Variants in TIMP3 observed in about 807,000 individuals in gnomAD.
TIMP3 encodes the protein metalloproteinase inhibitor 3.
A neutral mutation model predicts 30.0 loss-of-function variants in TIMP3; 11 were observed. The ratio of observed to expected loss-of-function variants is 0.37; its 90% confidence interval spans 0.23 to 0.61. TIMP3 has a LOEUF of 0.61. TIMP3 is among the 20% of genes least tolerant of loss of function. The probability of loss-of-function intolerance (pLI) is 0.70; values close to 1 mark genes in which losing one functional copy is unlikely to be tolerated. For missense variants in TIMP3, 181 were observed against 276.8 expected (o/e 0.65, Z 2.45); for synonymous variants, 112 against 111.3 (o/e 1.01, Z -0.04).
chr22:32,803,130 G>T (rs2046635025), intron 1 of TIMP3, among the ~76,000 whole-genome samples: 1 of 152,158 alleles, frequency 6.6e-6, no homozygotes, highest in African/African-American at 2.4e-5. Flanking sequence ...AAGCGTGCAA[G>T]TCCAGTGGCT....
At chr22:32,803,052 C>A (rs2046633029) in intron 1 of TIMP3, among the ~76,000 whole-genome samples, 1 of 152,022 alleles carries the variant, frequency 6.6e-6, no homozygotes, top group Admixed American at 6.6e-5. Context: ...GTTTGGGACA[C>A]TTGTGTTTGG....
At chr22:32,846,764 G>C (rs1164230815) in intron 1 of TIMP3, among the ~76,000 whole-genome samples, 1 of 152,166 alleles carries the variant, frequency 6.6e-6, no homozygotes, top group Non-Finnish European at 1.5e-5. Flanking sequence ...AGAGGCACTG[G>C]GCTAAGAAAG....
At chr22:32,836,323 A>G (rs750098066) in intron 1 of TIMP3, among the ~76,000 whole-genome samples, 1 of 152,236 alleles carries the variant, frequency 6.6e-6, no homozygotes, top group Non-Finnish European at 1.5e-5. Flanking sequence ...GATTGCACAG[A>G]CACGATGTTC....
chr22:32,814,127 T>C (rs1339739220), intron 1 of TIMP3, among the ~76,000 whole-genome samples: 1 of 137,848 alleles, frequency 7.3e-6, no homozygotes, highest in Non-Finnish European at 1.5e-5. Context: ...TGTGTGTGTG[T>C]GTGTGTGTGT....
chr22:32,857,128 C>T, intron 2 of TIMP3, 121 bp from the exon 3 acceptor site: 3 of 771,214 alleles, frequency 3.9e-6, no homozygotes, highest in Non-Finnish European at 4.6e-6. Context: ...CATGAGAGTG[C>T]AGACCCCTCT....
intron 1 of TIMP3, among the ~76,000 whole-genome samples, chr22:32,835,407 T>C (rs1306950649): frequency 6.6e-6 from 1 of 152,050 alleles, no homozygotes; most frequent in Non-Finnish European, 1.5e-5. Flanking sequence ...TACGAACATA[T>C]AGTTACATAC....
chr22:32,806,083 G>A (rs2046727387), intron 1 of TIMP3, among the ~76,000 whole-genome samples: 1 of 151,736 alleles, frequency 6.6e-6, no homozygotes, highest in South Asian at 2.1e-4. Context: ...GGAGAAGTAA[G>A]GTTAATAGAG....
intron 1 of TIMP3, among the ~76,000 whole-genome samples, chr22:32,824,644 G>A (rs2047349218): frequency 6.6e-6 from 1 of 152,168 alleles, no homozygotes. Context: ...TAAATTCTCT[G>A]TATACAAATA....
In TIMP3 at chr22:32,805,029, G is replaced by A. The variant is rs1192792334; in HGVS notation, c.121+2907G>A. ...TTTCTGAAAATGTGCGTGTGTGCGT[G>A]TGTGTGTGTGTGCGCGTGTGTGGCT... On this transcript the variant is annotated intron_variant, in intron 1 of 4. Transcript: ENST00000266085. Among the ~76,000 whole-genome samples the A allele has an allele frequency of 7.6e-4, 4 of 5,298 alleles. No homozygotes were observed. In the African/African-American group the frequency reaches 0.016, roughly 21 times the overall value. The allele number at this position is 5,298 out of a possible 152,430, so 3.5% of individuals were successfully genotyped here. A position where few individuals can be genotyped will look rare whatever the true frequency, so the allele number is the denominator to read the frequency against.
chr22:32,817,124 G>A (rs2047107651), intron 1 of TIMP3, among the ~76,000 whole-genome samples: 1 of 151,994 alleles, frequency 6.6e-6, no homozygotes, highest in Non-Finnish European at 1.5e-5. Flanking sequence ...AGGCTTAGGT[G>A]GGAGAATCGC....
chr22:32,854,768 C>T (rs983625437), intron 2 of TIMP3, among the ~76,000 whole-genome samples: 1 of 152,174 alleles, frequency 6.6e-6, no homozygotes, highest in Admixed American at 6.5e-5. Flanking sequence ...CACTTGGCTG[C>T]GTTACCGTGC....
chr22:32,826,731 T>C (rs2047425618), intron 1 of TIMP3, among the ~76,000 whole-genome samples: 1 of 152,214 alleles, frequency 6.6e-6, no homozygotes, highest in Admixed American at 6.5e-5. Context: ...GTCTTCAGAT[T>C]CTGCAAACAT....
chr22:32,839,448 G>T (rs746934659), intron 1 of TIMP3, among the ~76,000 whole-genome samples: 1 of 152,042 alleles, frequency 6.6e-6, no homozygotes, highest in Admixed American at 6.5e-5. Flanking sequence ...TGAGGTAGTC[G>T]CCTCATTGGA....
intron 1 of TIMP3, among the ~76,000 whole-genome samples, chr22:32,802,465 T>C (rs73158312): frequency 0.055 from 8,393 of 151,426 alleles, 351 homozygotes; most frequent in South Asian, 0.14. Context: ...GGGAAAGGGT[T>C]CCCAAAACTT....
intron 1 of TIMP3, among the ~76,000 whole-genome samples, chr22:32,803,837 C>A (rs1417052664): frequency 1.3e-5 from 2 of 152,204 alleles, no homozygotes; most frequent in Non-Finnish European, 2.9e-5. Flanking sequence ...GGTGACTTCA[C>A]TTGCGTTTTT....
chr22:32,855,449 G>T (rs2048337515), intron 2 of TIMP3, among the ~76,000 whole-genome samples: 1 of 152,148 alleles, frequency 6.6e-6, no homozygotes, highest in South Asian at 2.1e-4. Flanking sequence ...TAAGATAATG[G>T]GTAAGAGTAT....
intron 1 of TIMP3, among the ~76,000 whole-genome samples, chr22:32,809,151 C>T (rs907590613): frequency 3.9e-5 from 6 of 152,244 alleles, no homozygotes; most frequent in Non-Finnish European, 1.5e-5. Flanking sequence ...ATCCCAGCTG[C>T]CTGATGAGCT....
chr22:32,843,154 G>A (rs926776296), intron 1 of TIMP3, among the ~76,000 whole-genome samples: 8 of 152,146 alleles, frequency 5.3e-5, no homozygotes, highest in East Asian at 1.9e-4. Context: ...CAGTTGGAAA[G>A]TAGGGACATT....
At chr22:32,848,688 AG>A (rs2048136879) in intron 1 of TIMP3, among the ~76,000 whole-genome samples, 1 of 152,264 alleles carries the variant, frequency 6.6e-6, no homozygotes, top group Non-Finnish European at 1.5e-5. Flanking sequence ...TAATCCCTTC[AG>A]TTCAAGAGAT....
Sources: allele counts gnomAD v4.1 joint callset (sites outside exome capture counted in the v4.1 genomes callset), GRCh38; gene constraint gnomAD v4.1.1; transcripts MANE v1.5; gene names NCBI Gene and HGNC (gene_info 2026-07-23, HGNC 2026-07-21).